VPS13A: variants seen among roughly 807,000 people sequenced by gnomAD.
The protein encoded by VPS13A is vacuolar protein sorting 13 homolog A, also known as intermembrane lipid transfer protein VPS13A.
VPS13A carries 264 observed loss-of-function variants against 390.9 expected under a neutral mutation model. That is an observed-to-expected ratio of 0.68 (90% CI 0.61 to 0.75). The LOEUF is 0.75. Among genes scored for constraint, VPS13A ranks in the 30% least tolerant of loss-of-function variants. VPS13A has a pLI of 0.00. For missense variants in VPS13A, 3,409 were observed against 3,733.9 expected (o/e 0.91, Z 2.27); for synonymous variants, 1,231 against 1,227.1 (o/e 1.00, Z -0.07).
chr9:77,416,533 A>G lies in VPS13A; in HGVS notation c.*527A>G, dbSNP rs990765954. The G allele has an allele frequency of 6.5e-6, 1 of 154,248 alleles. No individual in the cohort carries two copies. The highest frequency in any genetic ancestry group is 6.4e-5 in the Admixed American group (1 of 15,664). 9.6% of individuals were successfully genotyped at this position (154,248 alleles called of 1,614,324 possible). On this transcript the variant is annotated 3_prime_UTR_variant, in exon 72 of 72. Transcript: ENST00000360280. Reference sequence around the variant, plus strand: ...TCTTTTGCCAGATAAATATTTTGATATTATTTTCCTTTTTAATATAAAGGA... The same window carrying G: ...TCTTTTGCCAGATAAATATTTTGATGTTATTTTCCTTTTTAATATAAAGGA...
chr9:77,187,299 A>C (rs970207407), intron 1 of VPS13A, among the ~76,000 whole-genome samples: 1 of 152,174 alleles, frequency 6.6e-6, no homozygotes, highest in African/African-American at 2.4e-5. Flanking sequence ...TTTTTTGAGG[A>C]ATTATCATAC....
At chr9:77,246,240 AATTT>A (rs1824799448) in intron 19 of VPS13A, among the ~76,000 whole-genome samples, 1 of 152,132 alleles carries the variant, frequency 6.6e-6, no homozygotes, top group East Asian at 1.9e-4. Flanking sequence ...AATTACTTTT[AATTT>A]ATTCATTTTC....
intron 20 of VPS13A, among the ~76,000 whole-genome samples, chr9:77,248,372 C>T (rs375293877): frequency 0.063 from 9,528 of 151,802 alleles, 371 homozygotes; most frequent in South Asian, 0.12. Flanking sequence ...CCCGCCACCA[C>T]GCCCGGCTAA....
At chr9:77,222,649 G>A (rs1252653473) in intron 13 of VPS13A, among the ~76,000 whole-genome samples, 2 of 151,954 alleles carry the variant, frequency 1.3e-5, no homozygotes, top group Non-Finnish European at 2.9e-5. Context: ...TCACATTTTG[G>A]TAATTCCCAC....
intron 50 of VPS13A, among the ~76,000 whole-genome samples, chr9:77,341,690 C>CTTTTT (rs1830821898): frequency 3.8e-4 from 9 of 23,560 alleles, no homozygotes; most frequent in African/African-American, 1.5e-3. Context: ...GGACATCTTT[C>CTTTTT]CTTTTTTTTT....
At chr9:77,373,293 C>G (rs1474727589) in intron 67 of VPS13A, among the ~76,000 whole-genome samples, 1,970 of 148,128 alleles carry the variant, frequency 0.013, 43 homozygotes, top group African/African-American at 0.046. Context: ...CAGAGATATA[C>G]ATCAATGGAA....
At chr9:77,379,226 C>G (rs1215041813) in intron 67 of VPS13A, among the ~76,000 whole-genome samples, 1 of 150,726 alleles carries the variant, frequency 6.6e-6, no homozygotes, top group Non-Finnish European at 1.5e-5. Context: ...GCACACACCA[C>G]CATACCCAGC....
chr9:77,335,025 A>G (rs1365363312), intron 46 of VPS13A, among the ~76,000 whole-genome samples: 2 of 152,184 alleles, frequency 1.3e-5, no homozygotes, highest in African/African-American at 4.8e-5. Context: ...GCCATCAGAA[A>G]TTACTACAGA....
intron 5 of VPS13A, among the ~76,000 whole-genome samples, chr9:77,207,239 A>G (rs554488201): frequency 2.6e-5 from 3 of 113,568 alleles, no homozygotes; most frequent in Non-Finnish European, 5.5e-5. Flanking sequence ...ATATATATAT[A>G]TATATATATA....
At chr9:77,339,398 T>C in intron 47 of VPS13A, 118 bp from the exon 48 acceptor site, 1 of 941,906 alleles carries the variant, frequency 1.1e-6, no homozygotes, top group Non-Finnish European at 1.6e-6. Flanking sequence ...TTCTGACTTG[T>C]TCTGATAGGT....
intron 19 of VPS13A, among the ~76,000 whole-genome samples, chr9:77,243,386 T>A (rs572321993): frequency 6.6e-6 from 1 of 152,298 alleles, no homozygotes; most frequent in Non-Finnish European, 1.5e-5. Context: ...TGAAAAAGTT[T>A]TAGATCCTGG....
Position 77,237,984 on chromosome 9 carries a change from CTTT to C in VPS13A, c.1596-10_1596-8del, listed in dbSNP as rs748907586. On this transcript the variant is annotated splice_polypyrimidine_tract_variant and intron_variant, in intron 17 of 71. Transcript: ENST00000360280. ...AATTTTACTGATCGCTGACTTTTTT[CTTT>C]TTTTTTTAATGCAGATTTGAAACTA... The C allele has an allele frequency of 6.5e-6, 8 of 1,239,278 alleles. No individual in the cohort carries two copies. The East Asian group carries it at 2.3e-4, about 36-fold the overall frequency. The allele number at this position is 1,239,278 out of a possible 1,614,324, so 76.8% of individuals were successfully genotyped here. A position where few individuals can be genotyped will look rare whatever the true frequency, so the allele number is the denominator to read the frequency against.
In VPS13A at chr9:77,252,261, C is replaced by T; in HGVS notation, c.2197C>T (p.Leu733Phe). Residue 733 changes from leucine to phenylalanine, a missense_variant, in exon 22 of 72, where the codon CTC (leucine) becomes TTC (phenylalanine). Coordinates refer to ENST00000360280, the MANE Select transcript of VPS13A (RefSeq NM_033305.3). The part of the protein sequence containing the change: ...VGDNWREARK[L>F]SVSTQHILVP... The stretch of plus-strand genomic sequence containing the variant: ...TGATAATTGGAGAGAAGCACGAAAA[C>T]TCAGTGTATCTACCCAGCATATTTT... The T allele has an allele frequency of 1.2e-6, 2 of 1,613,948 alleles. No individual in the cohort carries two copies. Among genetic ancestry groups the T allele is most frequent in the South Asian group, 1.1e-5 (1 of 91,078 alleles).
chr9:77,216,803 C>G (rs1822890955), intron 10 of VPS13A, among the ~76,000 whole-genome samples: 1 of 152,122 alleles, frequency 6.6e-6, no homozygotes. Context: ...GTCTGAGTCC[C>G]AAAGCTGAAG....
rs1417246536 is a variant in VPS13A at position 77,260,123 on chromosome 9, C to T, written c.2326C>T (p.Arg776Ter). 3.2e-6 allele frequency: 5 copies of T among 1,564,560 alleles called. No homozygotes were observed. The highest frequency in any genetic ancestry group is 4.5e-5 in the East Asian group (2 of 44,468). Residue 776 changes from arginine to a stop codon, truncating the protein, a stop_gained, in exon 23 of 72, where the codon CGA (arginine) becomes TGA (stop). Coordinates refer to ENST00000360280, the MANE Select transcript of VPS13A (RefSeq NM_033305.3). LOFTEE classifies it high-confidence loss of function. ...TGGAAAGTTACCTCTTATTTCTTTA[C>T]GAATCTCAGATAAAAAACTACAAGG... Reference protein sequence around the residue: ...IYGKLPLISLRISDKKLQGIM... With the variant: ...IYGKLPLISL
At chr9:77,411,008 C>T (rs1018818571) in intron 71 of VPS13A, among the ~76,000 whole-genome samples, 51 of 152,222 alleles carry the variant, frequency 3.4e-4, no homozygotes, top group African/African-American at 1.2e-3. Flanking sequence ...CCACACTGCA[C>T]TTATTCCAAA....
At position 77,334,343 on chromosome 9, in the gene VPS13A, T is replaced by G. The variant is rs575147031; in HGVS notation, c.6095+2230T>G. ...GTTTTTTTCTTCTTGTCTCAGATAA[T>G]TTGATGTTCTGTTTCAAGACCATTC... On this transcript the variant is annotated intron_variant, in intron 46 of 71. Coordinates refer to ENST00000360280, the MANE Select transcript of VPS13A (RefSeq NM_033305.3). Among the ~76,000 whole-genome samples, 8 of 152,312 alleles carry G rather than the reference T, an allele frequency of 5.3e-5. No individual in the cohort carries two copies. In the South Asian group the frequency reaches 1.7e-3, roughly 32 times the overall value.
chr9:77,379,239 ATTTTTTTT>A (rs1324201977), intron 67 of VPS13A, among the ~76,000 whole-genome samples: 2 of 123,032 alleles, frequency 1.6e-5, no homozygotes, highest in African/African-American at 6.1e-5. Context: ...TACCCAGCTA[ATTTTTTTT>A]TTTTTTTTTT....
At chr9:77,233,269 G>C (rs1823942772) in intron 17 of VPS13A, among the ~76,000 whole-genome samples, 1 of 151,604 alleles carries the variant, frequency 6.6e-6, no homozygotes, top group Non-Finnish European at 1.5e-5. Flanking sequence ...TTGATTTCTA[G>C]TTATAGATAT....
Sources: allele counts gnomAD v4.1 joint callset (sites outside exome capture counted in the v4.1 genomes callset), GRCh38; gene constraint gnomAD v4.1.1; transcripts MANE v1.5; gene names NCBI Gene and HGNC (gene_info 2026-07-23, HGNC 2026-07-21).